The following GRIK4 variants were observed in gnomAD, a reference collection of about 807,000 sequenced individuals.
GRIK4 encodes the protein glutamate receptor ionotropic, kainate 4.
GRIK4 carries 40 observed loss-of-function variants against 104.9 expected under a neutral mutation model. That is an observed-to-expected ratio of 0.38 (90% CI 0.30 to 0.50). GRIK4 has a LOEUF of 0.50. Among genes scored for constraint, GRIK4 ranks in the 20% least tolerant of loss-of-function variants. The probability of loss-of-function intolerance (pLI) is 0.93; values close to 1 mark genes in which losing one functional copy is unlikely to be tolerated. For missense variants in GRIK4, 1,047 were observed against 1,308.1 expected (o/e 0.80, Z 3.08); for synonymous variants, 485 against 524.9 (o/e 0.92, Z 1.04).
chr11:120,845,223 C>G (rs1276854166), intron 8 of GRIK4, among the ~76,000 whole-genome samples: 1 of 152,204 alleles, frequency 6.6e-6, no homozygotes, highest in African/African-American at 2.4e-5. Flanking sequence ...CTGCCAGGGC[C>G]TCAGATCAGA....
Position 120,819,502 on chromosome 11 carries a change from C to T in GRIK4, c.346-253C>T, listed in dbSNP as rs886925340. ...CCACAGACCCCAGCTTGCAGACCCACGGTGCATTCATCCGGGTCTCTGGAC... is the reference window on the plus strand; with the variant it reads ...CCACAGACCCCAGCTTGCAGACCCATGGTGCATTCATCCGGGTCTCTGGAC... On this transcript the variant is annotated intron_variant, in intron 5 of 20. Transcript: ENST00000527524. This position sits in a 1 kb window ranked among gnomAD's most constrained non-coding sequence, Gnocchi z 4.3. Among the ~76,000 whole-genome samples, 5 of 152,228 alleles carry T rather than the reference C, an allele frequency of 3.3e-5. No homozygotes were observed. The highest frequency in any genetic ancestry group is 4.8e-5 in the African/African-American group (2 of 41,464).
chr11:120,833,111 C>T (rs1953476110), intron 7 of GRIK4, among the ~76,000 whole-genome samples: 1 of 151,584 alleles, frequency 6.6e-6, no homozygotes, highest in African/African-American at 2.4e-5. Context: ...TGCCCCTCCT[C>T]AGCTCGTTTT....
rs1942839090 is a variant in GRIK4 at position 120,905,205 on chromosome 11, C to T, written c.1273-85C>T. The T allele has an allele frequency of 1.0e-5, 10 of 970,100 alleles. No individual in the cohort carries two copies. Among genetic ancestry groups the T allele is most frequent in the Admixed American group, 3.4e-5 (2 of 58,958 alleles). The allele number at this position is 970,100 out of a possible 1,614,324, so 60.1% of individuals were successfully genotyped here. A position where few individuals can be genotyped will look rare whatever the true frequency, so the allele number is the denominator to read the frequency against. On this transcript the variant is annotated intron_variant, in intron 12 of 20. Coordinates refer to ENST00000527524, the MANE Select transcript of GRIK4 (RefSeq NM_014619.5). The surrounding 1 kb of genome is among the most constrained non-coding windows in gnomAD (Gnocchi z 5.1). ...CCTTCTGCCCCATGTCCTCCCCGACCCTCTGTGCCCCTGGCCCTCCCCATC... is the reference window on the plus strand; with the variant it reads ...CCTTCTGCCCCATGTCCTCCCCGACTCTCTGTGCCCCTGGCCCTCCCCATC...
At chr11:120,802,656 G>A in intron 3 of GRIK4, 37 bp from the exon 4 acceptor site, 1 of 1,580,190 alleles carries the variant, frequency 6.3e-7, no homozygotes, top group Non-Finnish European at 8.7e-7. Context: ...AGTAGCGGTG[G>A]AGTACCAATT....
At chr11:120,626,938 C>A (rs906613985) in intron 1 of GRIK4, among the ~76,000 whole-genome samples, 6 of 152,222 alleles carry the variant, frequency 3.9e-5, no homozygotes, top group Non-Finnish European at 7.3e-5. Context: ...TGATGGTAAA[C>A]ACTGATGGTC....
At chr11:120,927,392 C>A (rs1178503496) in intron 13 of GRIK4, among the ~76,000 whole-genome samples, 1 of 21,528 alleles carries the variant, frequency 4.6e-5, no homozygotes, top group Non-Finnish European at 4.4e-4. Flanking sequence ...CATGGCAAAA[C>A]CCCATCTCTA....
At chr11:120,878,076 C>T (rs1027781323) in intron 11 of GRIK4, among the ~76,000 whole-genome samples, 11 of 152,236 alleles carry the variant, frequency 7.2e-5, no homozygotes, top group Non-Finnish European at 1.5e-5. Context: ...CATTAAGAAA[C>T]AGCGTCATCA....
At chr11:120,767,560 A>G (rs1951861794) in intron 3 of GRIK4, among the ~76,000 whole-genome samples, 1 of 151,808 alleles carries the variant, frequency 6.6e-6, no homozygotes, top group East Asian at 1.9e-4. Context: ...ATGTAGTCCC[A>G]TTTATTTATT....
intron 4 of GRIK4, among the ~76,000 whole-genome samples, chr11:120,804,283 C>T (rs935325707): frequency 1.3e-5 from 2 of 152,256 alleles, no homozygotes; most frequent in East Asian, 1.9e-4. Flanking sequence ...TGCTCAAATA[C>T]ATCTGTTCTT....
intron 3 of GRIK4, among the ~76,000 whole-genome samples, chr11:120,780,987 C>T (rs940924146): frequency 3.3e-5 from 5 of 152,182 alleles, no homozygotes; most frequent in African/African-American, 4.8e-5. Context: ...CGTGATCTGC[C>T]TGCCTCGGCC....
At chr11:120,655,764 G>A (rs1949697982) in intron 2 of GRIK4, among the ~76,000 whole-genome samples, 1 of 152,142 alleles carries the variant, frequency 6.6e-6, no homozygotes. Flanking sequence ...AGAAATCTAG[G>A]GTAACTCTCA....
At chr11:120,746,298 CCT>C (rs1031156542) in intron 3 of GRIK4, among the ~76,000 whole-genome samples, 1 of 152,152 alleles carries the variant, frequency 6.6e-6, no homozygotes, top group African/African-American at 2.4e-5. Flanking sequence ...AGTTATTAAA[CCT>C]CTCTAAGATG....
intron 1 of GRIK4, among the ~76,000 whole-genome samples, chr11:120,520,922 T>C (rs1057057071): frequency 6.6e-6 from 1 of 152,090 alleles, no homozygotes; most frequent in African/African-American, 2.4e-5. Context: ...TCTCTCTTTT[T>C]GGAGGCAGCA....
chr11:120,672,436 G>C (rs1278214883), intron 3 of GRIK4, among the ~76,000 whole-genome samples: 2 of 152,094 alleles, frequency 1.3e-5, no homozygotes, highest in Non-Finnish European at 2.9e-5. Context: ...ATAGAAAAAA[G>C]AAATTTAAAG....
At chr11:120,535,035 C>T (rs937910022) in intron 1 of GRIK4, among the ~76,000 whole-genome samples, 2 of 152,204 alleles carry the variant, frequency 1.3e-5, no homozygotes, top group African/African-American at 2.4e-5. Context: ...TATTCAACAG[C>T]GGGCTCTCCT....
At chr11:120,553,102 A>G (rs999822776) in intron 1 of GRIK4, among the ~76,000 whole-genome samples, 8 of 152,100 alleles carry the variant, frequency 5.3e-5, no homozygotes, top group African/African-American at 1.9e-4. Context: ...ATCTCCAGTT[A>G]CCTTCTAGAT....
intron 1 of GRIK4, among the ~76,000 whole-genome samples, chr11:120,578,238 G>C (rs1218503169): frequency 6.6e-6 from 1 of 152,158 alleles, no homozygotes; most frequent in Non-Finnish European, 1.5e-5. Flanking sequence ...TTTACCCATA[G>C]GTGACAGGAA....
At chr11:120,784,547 A>G (rs1415307743) in intron 3 of GRIK4, among the ~76,000 whole-genome samples, 1 of 152,158 alleles carries the variant, frequency 6.6e-6, no homozygotes, top group East Asian at 1.9e-4. Flanking sequence ...AGCAGGCATG[A>G]TGCTCATTTA....
At position 120,620,351 on chromosome 11, in the gene GRIK4, C is replaced by T. The variant is rs951815831; in HGVS notation, c.-158-33334C>T. 1.7e-5 allele frequency: 10 copies of T among 597,386 alleles called. No homozygotes were observed. In the East Asian group the frequency reaches 2.3e-4, roughly 14 times the overall value. 37.0% of individuals were successfully genotyped at this position (597,386 alleles called of 1,614,324 possible). A position where few individuals can be genotyped will look rare whatever the true frequency, so the allele number is the denominator to read the frequency against. ...GTTCTTTTTCTGCCCCAGCTCGAGA[C>T]TCACTTGTCTCGAGCCACCACAGCC... On this transcript the variant is annotated intron_variant, in intron 1 of 20. Coordinates refer to ENST00000527524, the MANE Select transcript of GRIK4 (RefSeq NM_014619.5).
Sources: gnomAD v4.1 joint callset for allele counts (sites outside exome capture counted in the v4.1 genomes callset) on GRCh38, gnomAD v4.1.1 for gene constraint, Gnocchi (gnomAD v3.1) non-coding constraint, MANE v1.5 for transcripts, NCBI Gene and HGNC (gene_info 2026-07-23, HGNC 2026-07-21) for gene names.